The following ATP2C1 variants were observed in gnomAD, a reference collection of about 807,000 sequenced individuals.
The protein encoded by ATP2C1 is calcium-transporting ATPase type 2C member 1.
ATP2C1 carries 31 observed loss-of-function variants against 120.5 expected under a neutral mutation model. The observed-to-expected ratio is 0.26, with a 90% confidence interval of 0.19 to 0.35. The LOEUF (loss-of-function observed/expected upper bound fraction) is 0.35. ATP2C1 is among the 10% of genes least tolerant of loss of function. The pLI, the probability that ATP2C1 is intolerant of heterozygous loss-of-function variation, is 1.00. For synonymous variants in ATP2C1, 351 were observed against 358.7 expected (o/e 0.98, Z 0.24); for missense variants, 731 against 1,107.5 (o/e 0.66, Z 4.83).
chr3:130,983,073 G>C (rs1385435090), intron 20 of ATP2C1, among the ~76,000 whole-genome samples: 1 of 152,142 alleles, frequency 6.6e-6, no homozygotes, highest in Non-Finnish European at 1.5e-5. Context: ...CCATGTGTAT[G>C]TGTGTATAAA....
intron 1 of ATP2C1, among the ~76,000 whole-genome samples, chr3:130,866,836 A>C (rs1290994595): frequency 6.6e-6 from 1 of 152,192 alleles, no homozygotes; most frequent in East Asian, 1.9e-4. Context: ...CACTTCACTT[A>C]TATATACATA....
At chr3:130,985,930 A>C (rs1164142213) in intron 20 of ATP2C1, among the ~76,000 whole-genome samples, 1 of 152,204 alleles carries the variant, frequency 6.6e-6, no homozygotes, top group African/African-American at 2.4e-5. Flanking sequence ...GATGTACACT[A>C]ACATGAACAT....
intron 1 of ATP2C1, among the ~76,000 whole-genome samples, chr3:130,866,468 T>C (rs571556956): frequency 1.3e-5 from 2 of 152,222 alleles, no homozygotes; most frequent in Non-Finnish European, 2.9e-5. Flanking sequence ...TTCATCTAAC[T>C]GGTGCTGCTA....
At chr3:131,003,517 A>T (rs569981209), downstream of ATP2C1, among the ~76,000 whole-genome samples, 24 of 152,352 alleles carry the variant, frequency 1.6e-4, no homozygotes, top group African/African-American at 5.5e-4. Context: ...AAGAACTTAA[A>T]ATAATTCACT....
chr3:130,966,966 T>C (rs1040974635), intron 14 of ATP2C1, among the ~76,000 whole-genome samples, 179 bp from the exon 15 acceptor site: 15 of 152,200 alleles, frequency 9.9e-5, no homozygotes, highest in African/African-American at 3.6e-4. Context: ...AGAATCTATA[T>C]TTCTTTACTA....
rs532975447 is a variant in ATP2C1, at chr3:130,853,278, G to A, written c.108+2350G>A. 4.6e-5 allele frequency among the ~76,000 whole-genome samples: 7 copies of A among 152,282 alleles called. No individual in the cohort carries two copies. The South Asian group carries it at 1.4e-3, about 32-fold the overall frequency. ...GCTCATTTGTTAATAAGGAAGATTA[G>A]CTTTTAAGAGAAAGGTTAGAGCATC... On this transcript the variant is annotated intron_variant, in intron 1 of 26. Transcript: ENST00000504381.
At chr3:130,963,915 T>G in intron 12 of ATP2C1, 56 bp from the exon 13 acceptor site, 1 of 1,609,006 alleles carries the variant, frequency 6.2e-7, no homozygotes, top group Non-Finnish European at 8.5e-7. Flanking sequence ...CAATTTAAAT[T>G]TTGCTGTGAG....
intron 7 of ATP2C1, 97 bp from the exon 8 acceptor site, chr3:130,941,494 G>T: frequency 2.2e-6 from 2 of 910,146 alleles, no homozygotes; most frequent in South Asian, 1.4e-5. Flanking sequence ...TCTTATATTT[G>T]CCTTTTCCTC....
chr3:130,932,284 GCTTA>G (rs1322961311), intron 4 of ATP2C1, 146 bp downstream of exon 4: 1 of 635,388 alleles, frequency 1.6e-6, no homozygotes, highest in African/African-American at 1.8e-5. Flanking sequence ...ATTTGTTGGG[GCTTA>G]CTGTTAGGTT....
At chr3:130,990,718 A>G (rs2062294253) in intron 20 of ATP2C1, among the ~76,000 whole-genome samples, 1 of 152,198 alleles carries the variant, frequency 6.6e-6, no homozygotes, top group Admixed American at 6.5e-5. Flanking sequence ...GTTTGGAGGT[A>G]TTGGCCCAGA....
In ATP2C1 at chr3:130,894,614, G is replaced by A; in HGVS notation, c.-156G>A. ...GATGCTGCTGCTAGGGGTGGTGGGA[G>A]CAGCCGTGGGACGCGTGGCCGGGAG... On this transcript the variant is annotated 5_prime_UTR_variant, in exon 2 of 28. Transcript: ENST00000510168. The surrounding 1 kb of genome is among the most constrained non-coding windows in gnomAD (Gnocchi z 4.5). The A allele has an allele frequency of 6.4e-7, 1 of 1,573,306 alleles. No homozygotes were observed. Among genetic ancestry groups the A allele is most frequent in the Non-Finnish European group, 8.6e-7 (1 of 1,158,026 alleles).
At chr3:130,959,729 ATTTT>A (rs1312134800) in intron 12 of ATP2C1, 2 of 156,978 alleles carry the variant, frequency 1.3e-5, no homozygotes, top group African/African-American at 4.8e-5. Context: ...AAGTGTTTGT[ATTTT>A]CAGAGACTTG....
chr3:131,001,129 T>C, intron 27 of ATP2C1, 91 bp from the exon 28 acceptor site: 2 of 633,804 alleles, frequency 3.2e-6, no homozygotes, highest in East Asian at 7.3e-5. Context: ...AAAAAAAAAG[T>C]TGTGTTAAAA....
chr3:130,878,136 C>T lies in ATP2C1; in HGVS notation c.108+27208C>T, dbSNP rs1264802799. Among the ~76,000 whole-genome samples, 231 of 94,238 alleles carry T rather than the reference C, an allele frequency of 2.5e-3. 1 individual carries two copies. Among genetic ancestry groups the T allele is most frequent in the Middle Eastern group, 0.013 (1 of 78 alleles). 61.8% of individuals were successfully genotyped at this position (94,238 alleles called of 152,430 possible). A position where few individuals can be genotyped will look rare whatever the true frequency, so the allele number is the denominator to read the frequency against. ...GGGAACATCACACACTGGGGCCTGTCGTGGGGTGGGGGGAGGGGGGAGGGA... is the reference window on the plus strand; with the variant it reads ...GGGAACATCACACACTGGGGCCTGTTGTGGGGTGGGGGGAGGGGGGAGGGA... On this transcript the variant is annotated intron_variant, in intron 1 of 26. Transcript: ENST00000504381.
chr3:130,953,117 A>G (rs201518753), intron 8 of ATP2C1, among the ~76,000 whole-genome samples: 9 of 136,244 alleles, frequency 6.6e-5, no homozygotes, highest in South Asian at 2.4e-4. Context: ...ATGTATGTAT[A>G]TATGTATGTA....
intron 2 of ATP2C1, among the ~76,000 whole-genome samples, chr3:130,923,952 T>C (rs539875899): frequency 6.6e-6 from 1 of 152,176 alleles, no homozygotes; most frequent in South Asian, 2.1e-4. Context: ...CTTTATCTTA[T>C]GTGAGTCCTT....
intron 5 of ATP2C1, 135 bp downstream of exon 5, chr3:130,934,846 T>C: frequency 1.5e-6 from 1 of 689,412 alleles, no homozygotes; most frequent in Non-Finnish European, 2.6e-6. Context: ...TTTTATTCTT[T>C]TTGTTGCGAC....
At chr3:130,883,845 A>G (rs1331107776) in intron 1 of ATP2C1, among the ~76,000 whole-genome samples, 1 of 150,360 alleles carries the variant, frequency 6.7e-6, no homozygotes, top group East Asian at 1.9e-4. Context: ...AATGTATCTG[A>G]TATGTTTTGG....
chr3:130,927,994 C>T (rs1040321861), intron 2 of ATP2C1: 1 of 153,286 alleles, frequency 6.5e-6, no homozygotes, highest in African/African-American at 2.4e-5. Flanking sequence ...GTCTCTGGCT[C>T]CTTTTACCAC....
Sources: gnomAD v4.1 joint callset for allele counts (sites outside exome capture counted in the v4.1 genomes callset) on GRCh38, gnomAD v4.1.1 for gene constraint, Gnocchi (gnomAD v3.1) non-coding constraint, MANE v1.5 for transcripts, NCBI Gene and HGNC (gene_info 2026-07-23, HGNC 2026-07-21) for gene names.